RUNX1T1: variants seen among roughly 807,000 people sequenced by gnomAD.
The protein encoded by RUNX1T1 is RUNX1 partner transcriptional co-repressor 1.
In RUNX1T1, 4 loss-of-function variants were observed where a neutral mutation model predicts 62.8. That is an observed-to-expected ratio of 0.06 (90% confidence interval 0.03 to 0.15). RUNX1T1 has a LOEUF of 0.15. RUNX1T1 is among the 10% of genes least tolerant of loss of function. The probability of loss-of-function intolerance (pLI) is 1.00; values close to 1 mark genes in which losing one functional copy is unlikely to be tolerated. For missense variants in RUNX1T1, 508 were observed against 754.3 expected (o/e 0.67, Z 3.82); for synonymous variants, 291 against 286.0 (o/e 1.02, Z -0.18).
chr8:91,963,704 C>T (rs1294108094), intron 10 of RUNX1T1, among the ~76,000 whole-genome samples: 2 of 152,196 alleles, frequency 1.3e-5, no homozygotes, highest in Non-Finnish European at 2.9e-5. Flanking sequence ...CTAACAGCCA[C>T]GTGTCTATCC....
At chr8:91,956,077 A>G (rs1809332561), downstream of RUNX1T1, 1 of 229,868 alleles carries the variant, frequency 4.4e-6, no homozygotes, top group Non-Finnish European at 8.6e-6. Context: ...CAGCCAAGCA[A>G]CCTGACAAGA....
intron 2 of RUNX1T1, among the ~76,000 whole-genome samples, chr8:92,016,443 G>A (rs936669064): frequency 6.6e-6 from 1 of 152,186 alleles, no homozygotes; most frequent in African/African-American, 2.4e-5. Context: ...TTGGGAGGCC[G>A]AGGTGGGAGC....
chr8:92,082,035 G>T (rs1336561251), intron 1 of RUNX1T1, among the ~76,000 whole-genome samples: 1 of 152,030 alleles, frequency 6.6e-6, no homozygotes, highest in African/African-American at 2.4e-5. Context: ...ACAGGCACCT[G>T]CCACCACGCC....
chr8:91,967,597 C>A (rs969164580), intron 10 of RUNX1T1, among the ~76,000 whole-genome samples: 5 of 152,150 alleles, frequency 3.3e-5, no homozygotes, highest in Admixed American at 1.3e-4. Flanking sequence ...AGAGAAAGGG[C>A]AAATTCAGAA....
At chr8:92,039,214 C>T (rs1206419747) in intron 1 of RUNX1T1, among the ~76,000 whole-genome samples, 1 of 151,370 alleles carries the variant, frequency 6.6e-6, no homozygotes, top group Non-Finnish European at 1.5e-5. Context: ...ACTATGTTGC[C>T]CAGGCTGGTC....
At chr8:92,102,770 T>C (rs1354826192), upstream of RUNX1T1, 14 of 1,332,432 alleles carry the variant, frequency 1.1e-5, no homozygotes, top group African/African-American at 1.5e-5. The surrounding 1 kb of genome is among the most constrained non-coding windows in gnomAD (Gnocchi z 4.5). Context: ...CAAACGAAGA[T>C]GACGGTCATC....
At chr8:91,999,172 C>T (rs1182250016) in intron 5 of RUNX1T1, among the ~76,000 whole-genome samples, 1 of 152,116 alleles carries the variant, frequency 6.6e-6, no homozygotes, top group Non-Finnish European at 1.5e-5. Flanking sequence ...AGCTACAAGA[C>T]TTCTATACTT....
chr8:92,036,966 T>C (rs1827537238), intron 1 of RUNX1T1, among the ~76,000 whole-genome samples: 1 of 152,216 alleles, frequency 6.6e-6, no homozygotes, highest in Non-Finnish European at 1.5e-5. Flanking sequence ...GCTTCAGATT[T>C]GTCCCAAATG....
chr8:92,067,664 T>C (rs1042722277), upstream of RUNX1T1, among the ~76,000 whole-genome samples: 9 of 152,230 alleles, frequency 5.9e-5, no homozygotes, highest in African/African-American at 7.2e-5. Context: ...TGAAGTACAA[T>C]GTCCTCTTAT....
intron 5 of RUNX1T1, among the ~76,000 whole-genome samples, chr8:92,000,850 G>A (rs141105261): frequency 2.3e-4 from 35 of 152,168 alleles, no homozygotes; most frequent in African/African-American, 7.7e-4. Flanking sequence ...AATAAATGAG[G>A]GAAAGTAAGG....
chr8:91,996,963 A>G (rs1343593046), intron 5 of RUNX1T1, among the ~76,000 whole-genome samples: 1 of 90,112 alleles, frequency 1.1e-5, no homozygotes, highest in East Asian at 2.1e-4. Context: ...CTCTACTAAG[A>G]AAAAAAAAAA....
chr8:91,970,454 A>C (rs1194489757), intron 10 of RUNX1T1, among the ~76,000 whole-genome samples: 1 of 152,224 alleles, frequency 6.6e-6, no homozygotes, highest in Non-Finnish European at 1.5e-5. Context: ...AAACATTCAA[A>C]ACCTTTTTTG....
intron 6 of RUNX1T1, among the ~76,000 whole-genome samples, chr8:91,988,223 A>G (rs563827589): frequency 4.1e-4 from 63 of 152,270 alleles, no homozygotes; most frequent in African/African-American, 1.5e-3. Flanking sequence ...AACTGATGGA[A>G]GTGAACAAAT....
chr8:91,973,535 A>C (rs1813293434), intron 9 of RUNX1T1, among the ~76,000 whole-genome samples: 1 of 152,026 alleles, frequency 6.6e-6, no homozygotes, highest in Admixed American at 6.6e-5. Flanking sequence ...GTATTTTTCA[A>C]ATACTTTATT....
At chr8:92,085,265 T>C (rs573401881) in intron 1 of RUNX1T1, among the ~76,000 whole-genome samples, 2 of 152,228 alleles carry the variant, frequency 1.3e-5, no homozygotes, top group South Asian at 2.1e-4. Flanking sequence ...GGCAAAAGAT[T>C]TGTAAAATGA....
chr8:92,028,276 T>C (rs1401962789), intron 1 of RUNX1T1, among the ~76,000 whole-genome samples: 2 of 151,124 alleles, frequency 1.3e-5, no homozygotes, highest in South Asian at 2.1e-4. Context: ...GACAGTTCAA[T>C]AGAGCAAATG....
rs557144499 is a variant in RUNX1T1, at chr8:92,043,837, G to C, written c.7+18709C>G. Among the ~76,000 whole-genome samples, 5 of 152,062 alleles carry C rather than the reference G, an allele frequency of 3.3e-5. No homozygotes were observed. In the South Asian group the frequency reaches 1.0e-3, roughly 32 times the overall value. On this transcript the variant is annotated intron_variant, in intron 1 of 10. Transcript: ENST00000396218. ...ACTAAAAATACAAAAAATTAGGTGG[G>C]CATGTTGACAGGCACCTGTAATCCC...
chr8:91,987,181 T>C (rs542109104), intron 6 of RUNX1T1, among the ~76,000 whole-genome samples: 1 of 152,268 alleles, frequency 6.6e-6, no homozygotes, highest in Admixed American at 6.5e-5. Context: ...ATTTTAGAGG[T>C]CACCTGGTCA....
Position 91,978,386 on chromosome 8 carries a change from T to C in RUNX1T1, c.1199-2413A>G, listed in dbSNP as rs1814452292. 3.9e-5 allele frequency among the ~76,000 whole-genome samples: 6 copies of C among 152,298 alleles called. No homozygotes were observed. In the South Asian group the frequency reaches 1.2e-3, roughly 32 times the overall value. ...ATTACATACACATCCTAAACTCCCA[T>C]TATCTGGTACTTGCTATTATCCTCA... On this transcript the variant is annotated intron_variant, in intron 8 of 10. Transcript: ENST00000396218.
Sources: allele counts gnomAD v4.1 joint callset (sites outside exome capture counted in the v4.1 genomes callset), GRCh38; gene constraint gnomAD v4.1.1; non-coding constraint Gnocchi (gnomAD v3.1); transcripts MANE v1.5; gene names NCBI Gene and HGNC (gene_info 2026-07-23, HGNC 2026-07-21).